The following ABCA13 variants were observed in gnomAD, a reference collection of about 807,000 sequenced individuals.
The protein encoded by ABCA13 is ATP binding cassette subfamily A member 13.
Under a neutral mutation model 478.7 loss-of-function variants are expected in ABCA13, and 476 were observed. The ratio of observed to expected loss-of-function variants is 0.99; its 90% CI spans 0.92 to 1.07. ABCA13 has a LOEUF of 1.07. ABCA13 is among the 50% of genes least tolerant of loss of function. ABCA13 has a pLI of 0.00. For missense variants in ABCA13, 6,060 were observed against 5,910.6 expected (o/e 1.03, Z -0.83); for synonymous variants, 2,252 against 2,158.9 (o/e 1.04, Z -1.20).
chr7:48,246,000 A>C lies in ABCA13; in HGVS notation c.1629A>C (p.Leu543Phe). 2 of 1,613,742 alleles carry C rather than the reference A, an allele frequency of 1.2e-6. No individual in the cohort carries two copies. Among genetic ancestry groups the C allele is most frequent in the Non-Finnish European group, 1.7e-6 (2 of 1,179,754 alleles). Residue 543 changes from leucine (L) to phenylalanine (F), a missense_variant, in exon 13 of 62, where the codon TTA becomes TTC. Physicochemically the swap from Leu to Phe is conservative, Grantham distance 22 (BLOSUM62 0). This residue lies in a region of ABCA13 where 4,423 missense variants were observed against 4,309.1 expected (regional missense o/e 1.03). Coordinates refer to ENST00000435803, the MANE Select transcript of ABCA13 (RefSeq NM_152701.5). ...CYCNSSETSV[L>F]NKLLGSVEDA... Reference sequence around the variant, plus strand: ...GTAACTCCTCTGAGACGAGTGTTTTAAACAAGCTACTTGGTTCAGTAGAGG... The same window carrying C: ...GTAACTCCTCTGAGACGAGTGTTTTCAACAAGCTACTTGGTTCAGTAGAGG...
chr7:48,526,582 A>G (rs1334649425), intron 54 of ABCA13, among the ~76,000 whole-genome samples: 1 of 152,184 alleles, frequency 6.6e-6, no homozygotes, highest in Non-Finnish European at 1.5e-5. Flanking sequence ...TACTTTCACA[A>G]ACCTACATGG....
chr7:48,206,788 G>A (rs1349006956), intron 3 of ABCA13, among the ~76,000 whole-genome samples: 1 of 95,678 alleles, frequency 1.0e-5, no homozygotes, highest in Non-Finnish European at 2.0e-5. Flanking sequence ...ATTTGTGTGA[G>A]TGTGTGTGTG....
rs200033550 is a variant in ABCA13 at position 48,313,501 on chromosome 7, A to T, written c.9681+270A>T. On this transcript the variant is annotated intron_variant, in intron 25 of 61. Coordinates refer to ENST00000435803, the MANE Select transcript of ABCA13 (RefSeq NM_152701.5). Reference sequence around the variant, plus strand: ...TACATGCATTATCTATAAAGTAAGAAATTACTAACTCAGTTATTGCACAGA... The same window carrying T: ...TACATGCATTATCTATAAAGTAAGATATTACTAACTCAGTTATTGCACAGA... Among the ~76,000 whole-genome samples, 11 of 152,224 alleles carry T rather than the reference A, an allele frequency of 7.2e-5. No individual in the cohort carries two copies. In the East Asian group the frequency reaches 2.1e-3, roughly 29 times the overall value.
At chr7:48,419,190 A>G (rs73101574) in intron 41 of ABCA13, among the ~76,000 whole-genome samples, 57,775 of 151,880 alleles carry the variant, frequency 0.38, 11,617 homozygotes, top group African/African-American at 0.51. Context: ...ACCAGGCCCT[A>G]CCTTGGACAT....
chr7:48,621,263 A>G (rs901981577), intron 59 of ABCA13, among the ~76,000 whole-genome samples: 13 of 151,872 alleles, frequency 8.6e-5, no homozygotes, highest in African/African-American at 3.1e-4. Flanking sequence ...CTTCTTTGGC[A>G]TAAGTTTGCA....
chr7:48,408,528 A>G (rs1049057768), intron 39 of ABCA13, among the ~76,000 whole-genome samples: 1 of 152,166 alleles, frequency 6.6e-6, no homozygotes, highest in Admixed American at 6.5e-5. Flanking sequence ...TTCAAGCTCT[A>G]TTGCTTTTGT....
At chr7:48,295,675 C>G in intron 20 of ABCA13, 25 bp from the exon 21 acceptor site, 4 of 1,613,270 alleles carry the variant, frequency 2.5e-6, no homozygotes, top group Non-Finnish European at 2.5e-6. Flanking sequence ...GTGCTTCTAA[C>G]CTATATCATT....
At chr7:48,511,882 C>G (rs1831715994) in intron 51 of ABCA13, among the ~76,000 whole-genome samples, 1 of 152,042 alleles carries the variant, frequency 6.6e-6, no homozygotes, top group Non-Finnish European at 1.5e-5. Flanking sequence ...AAAGATAAAA[C>G]AGCTTGCTCT....
rs1411290242 is a variant in ABCA13 at position 48,198,247 on chromosome 7, G to A, written c.174G>A (p.Gln58=). 6.4e-7 allele frequency: 1 copy of A among 1,551,878 alleles called. No homozygotes were observed. The highest frequency in any genetic ancestry group is 8.7e-7 in the Non-Finnish European group (1 of 1,149,498). The change falls in exon 3 of 62, where the codon CAG becomes CAA. Residue 58 remains glutamine (Q), a synonymous_variant. Transcript: ENST00000435803. ...TGCATCTATTTCTAGGTTATTTGCA[G>A]CCCCGAGATCTACCCAGCTGTGGTG... ...PPRYRDICYL[Q]PRDLPSCGVI...
At chr7:48,538,578 A>T (rs41332948) in intron 55 of ABCA13, among the ~76,000 whole-genome samples, 18,463 of 152,074 alleles carry the variant, frequency 0.12, 1,363 homozygotes, top group East Asian at 0.17. Flanking sequence ...ATCTAATCAC[A>T]TCCCTGTTGA....
At chr7:48,198,546 G>A (rs1224727920) in intron 3 of ABCA13, among the ~76,000 whole-genome samples, 186 bp downstream of exon 3, 1 of 152,232 alleles carries the variant, frequency 6.6e-6, no homozygotes, top group Non-Finnish European at 1.5e-5. Flanking sequence ...CTTCCAGCAG[G>A]AGATCTTTCC....
At chr7:48,526,245 G>T (rs1019079918) in intron 54 of ABCA13, among the ~76,000 whole-genome samples, 10 of 152,194 alleles carry the variant, frequency 6.6e-5, no homozygotes, top group African/African-American at 2.2e-4. Context: ...GGCAGGAAAA[G>T]GTCAGAGTAA....
chr7:48,630,713 T>A (rs773183412), intron 59 of ABCA13, among the ~76,000 whole-genome samples: 1 of 152,168 alleles, frequency 6.6e-6, no homozygotes, highest in Non-Finnish European at 1.5e-5. Flanking sequence ...CTGTTTTAAG[T>A]TTTTGAGAAG....
chr7:48,388,781 A>ATG (rs1369054014), intron 36 of ABCA13, among the ~76,000 whole-genome samples: 1 of 152,140 alleles, frequency 6.6e-6, no homozygotes, highest in Non-Finnish European at 1.5e-5. Context: ...ACAAAAATAC[A>ATG]TGTGTGTGTT....
In ABCA13 at chr7:48,413,593, A is replaced by C. The variant is rs146090789; in HGVS notation, c.12459+1010A>C. On this transcript the variant is annotated intron_variant, in intron 41 of 61. Transcript: ENST00000435803. ...GGTTTTCAAAAAATCAAGTGCTGCAAGTTAAAATTTTTAAAAATCTGCAAA... is the reference window on the plus strand; with the variant it reads ...GGTTTTCAAAAAATCAAGTGCTGCACGTTAAAATTTTTAAAAATCTGCAAA... Among the ~76,000 whole-genome samples the C allele has an allele frequency of 1.8e-3, 272 of 152,304 alleles. 1 individual carries two copies. Among genetic ancestry groups the C allele is most frequent in the African/African-American group, 5.9e-3 (247 of 41,566 alleles).
chr7:48,647,289 T>C lies in ABCA13; in HGVS notation c.*1777T>C, dbSNP rs543755502. 1 of 152,348 alleles carries C rather than the reference T, an allele frequency of 6.6e-6. No homozygotes were observed. The highest frequency in any genetic ancestry group is 1.9e-4 in the East Asian group (1 of 5,184). 9.4% of individuals were successfully genotyped at this position (152,348 alleles called of 1,614,324 possible). A position where few individuals can be genotyped will look rare whatever the true frequency, so the allele number is the denominator to read the frequency against. On this transcript the variant is annotated 3_prime_UTR_variant, in exon 62 of 62. Coordinates refer to ENST00000435803, the MANE Select transcript of ABCA13 (RefSeq NM_152701.5). ...ACTGATAGCTTTGTTGTGAGCAATTTTGATTCCCATGTATCACATGAATTA... is the reference window on the plus strand; with the variant it reads ...ACTGATAGCTTTGTTGTGAGCAATTCTGATTCCCATGTATCACATGAATTA...
At chr7:48,429,838 A>G (rs992320157) in intron 42 of ABCA13, among the ~76,000 whole-genome samples, 1 of 151,998 alleles carries the variant, frequency 6.6e-6, no homozygotes. Flanking sequence ...TTGTTTATTT[A>G]TTTATTTATA....
intron 55 of ABCA13, among the ~76,000 whole-genome samples, chr7:48,573,503 C>T (rs1452095559): frequency 1.3e-5 from 2 of 151,968 alleles, no homozygotes; most frequent in Non-Finnish European, 2.9e-5. Flanking sequence ...TGAGACCAGC[C>T]TGGGCAACAT....
intron 40 of ABCA13, among the ~76,000 whole-genome samples, chr7:48,411,770 T>C (rs6978455): frequency 0.34 from 51,468 of 151,880 alleles, 8,951 homozygotes; most frequent in Admixed American, 0.42. Flanking sequence ...GGGCAGGAAG[T>C]GGTGACTCTG....
Sources: allele counts gnomAD v4.1 joint callset (sites outside exome capture counted in the v4.1 genomes callset), GRCh38; gene constraint gnomAD v4.1.1; regional missense constraint gnomAD v4.1.1; transcripts MANE v1.5; gene names NCBI Gene and HGNC (gene_info 2026-07-23, HGNC 2026-07-21).